The following SORCS2 variants were observed in gnomAD, a reference collection of about 807,000 sequenced individuals.
SORCS2 encodes sortilin related VPS10 domain containing receptor 2, also known as VPS10 domain-containing receptor SorCS2.
SORCS2 carries 100 observed loss-of-function variants against 141.6 expected under a neutral mutation model. That is an observed-to-expected ratio of 0.71 (90% CI 0.60 to 0.83). The LOEUF is 0.83. SORCS2 is among the 40% of genes least tolerant of loss of function. SORCS2 has a pLI of 0.00. For synonymous variants in SORCS2, 789 were observed against 676.9 expected, an observed-to-expected ratio of 1.17 and a Z score of -2.57; for missense variants, 1,646 against 1,560.2, an observed-to-expected ratio of 1.05 and a Z score of -0.93.
chr4:7,670,464 G>A (rs1722732760), intron 8 of SORCS2, among the ~76,000 whole-genome samples: 1 of 152,172 alleles, frequency 6.6e-6, no homozygotes, highest in African/African-American at 2.4e-5. Flanking sequence ...AAATATTCCT[G>A]TATTTGCCAT....
rs1055483944 is a variant in SORCS2 at position 7,260,701 on chromosome 4, G to A, written c.480+67575G>A. 6.4e-4 allele frequency among the ~76,000 whole-genome samples: 97 copies of A among 152,312 alleles called. 2 individuals are homozygous for A. Among genetic ancestry groups the A allele is most frequent in the Admixed American group, 6.3e-3 (96 of 15,302 alleles). ...GGCAGCTTCAGGGGAAGGAAAGTCAGTGGCAACTCAGGGTGGTAAGGAGGG... is the reference window on the plus strand; with the variant it reads ...GGCAGCTTCAGGGGAAGGAAAGTCAATGGCAACTCAGGGTGGTAAGGAGGG... On this transcript the variant is annotated intron_variant, in intron 1 of 26. Coordinates refer to ENST00000507866, the MANE Select transcript of SORCS2 (RefSeq NM_020777.3).
chr4:7,259,934 G>T (rs1394642484), intron 1 of SORCS2, among the ~76,000 whole-genome samples: 1 of 152,258 alleles, frequency 6.6e-6, no homozygotes, highest in Non-Finnish European at 1.5e-5. Context: ...GGGCAGGACA[G>T]AGTTTCCTCT....
intron 3 of SORCS2, among the ~76,000 whole-genome samples, chr4:7,619,916 C>T (rs572839513): frequency 1.3e-5 from 2 of 152,166 alleles, no homozygotes; most frequent in East Asian, 1.9e-4. Context: ...GGCACAGATT[C>T]GTCAGCCCCT....
At chr4:7,343,962 C>A (rs140657206) in intron 1 of SORCS2, among the ~76,000 whole-genome samples, 1,864 of 152,268 alleles carry the variant, frequency 0.012, 35 homozygotes, top group African/African-American at 0.042. Context: ...CCCTGTAAGG[C>A]GTGGCCATGA....
intron 14 of SORCS2, among the ~76,000 whole-genome samples, chr4:7,712,089 A>G (rs1725857253): frequency 1.3e-5 from 2 of 152,112 alleles, no homozygotes; most frequent in Admixed American, 1.3e-4. Flanking sequence ...TGACACCCTA[A>G]GTGGCCAGCC....
intron 8 of SORCS2, among the ~76,000 whole-genome samples, chr4:7,669,920 A>C (rs1722699788): frequency 6.6e-6 from 1 of 152,320 alleles, no homozygotes; most frequent in South Asian, 2.1e-4. Flanking sequence ...TATTGAGGAG[A>C]GTGTACCTTG....
intron 1 of SORCS2, among the ~76,000 whole-genome samples, chr4:7,312,665 C>T (rs2108925189): frequency 6.6e-6 from 1 of 152,236 alleles, no homozygotes; most frequent in Middle Eastern, 3.4e-3. Context: ...GCAGAAAGGG[C>T]TCCTGTCCAT....
chr4:7,373,473 T>TAC (rs1722396345), intron 1 of SORCS2, among the ~76,000 whole-genome samples: 1 of 72,082 alleles, frequency 1.4e-5, no homozygotes, highest in African/African-American at 8.1e-5. Flanking sequence ...TATATATATA[T>TAC]ATATATTTTT....
At chr4:7,402,905 G>C (rs1419593420) in intron 2 of SORCS2, among the ~76,000 whole-genome samples, 1 of 151,590 alleles carries the variant, frequency 6.6e-6, no homozygotes, top group African/African-American at 2.4e-5. Flanking sequence ...TTTTACATTG[G>C]GTTGCTTAAC....
intron 1 of SORCS2, among the ~76,000 whole-genome samples, chr4:7,255,235 G>A (rs914914566): frequency 2.0e-5 from 3 of 152,004 alleles, no homozygotes; most frequent in Non-Finnish European, 2.9e-5. Context: ...AGTGCTTCCC[G>A]GGCAGTTTCC....
At chr4:7,520,460 T>C (rs4689772) in intron 2 of SORCS2, among the ~76,000 whole-genome samples, 88,332 of 151,972 alleles carry the variant, frequency 0.58, 26,143 homozygotes, top group Middle Eastern at 0.68. Flanking sequence ...GGGGCACTGA[T>C]GGTGGAGGAG....
intron 3 of SORCS2, among the ~76,000 whole-genome samples, chr4:7,584,097 C>T (rs1018047288): frequency 6.6e-6 from 1 of 152,236 alleles, no homozygotes; most frequent in East Asian, 1.9e-4. Flanking sequence ...AGGACAGCAT[C>T]TTCGTCTTCA....
intron 3 of SORCS2, among the ~76,000 whole-genome samples, chr4:7,634,934 C>T (rs567559604): frequency 6.6e-6 from 1 of 152,322 alleles, no homozygotes; most frequent in Admixed American, 6.5e-5. Context: ...TCCAGCGTGC[C>T]TGGCCAGCCC....
At chr4:7,711,006 G>T (rs1029145508) in intron 14 of SORCS2, among the ~76,000 whole-genome samples, 1 of 152,230 alleles carries the variant, frequency 6.6e-6, no homozygotes, top group Admixed American at 6.5e-5. Flanking sequence ...GACGTGGCAG[G>T]AATGCGGGAT....
At chr4:7,469,125 GATAGTGGTCA>G (rs1476057081) in intron 2 of SORCS2, among the ~76,000 whole-genome samples, 13 of 138,626 alleles carry the variant, frequency 9.4e-5, no homozygotes, top group African/African-American at 3.8e-4. Context: ...TGATGGTGCT[GATAGTGGTCA>G]TGGTGGTGAT....
intron 5 of SORCS2, among the ~76,000 whole-genome samples, chr4:7,654,817 G>A (rs75489003): frequency 1.7e-4 from 26 of 152,294 alleles, no homozygotes; most frequent in African/African-American, 6.3e-4. Flanking sequence ...GCCTCCTGAG[G>A]AGCCAGACCC....
intron 19 of SORCS2, among the ~76,000 whole-genome samples, chr4:7,724,378 G>GTGA (rs1285252369): frequency 6.8e-6 from 1 of 146,308 alleles, no homozygotes; most frequent in East Asian, 2.0e-4. Flanking sequence ...GATGATGGTG[G>GTGA]TGATAGGGTG....
intron 14 of SORCS2, among the ~76,000 whole-genome samples, chr4:7,705,341 G>A (rs569104721): frequency 4.6e-5 from 7 of 152,222 alleles, no homozygotes; most frequent in Non-Finnish European, 7.3e-5. Flanking sequence ...CCAGAGCGCT[G>A]AGAGAGCATG....
rs183347845 is a variant in SORCS2 at position 7,442,921 on chromosome 4, C to A, written c.548+46566C>A. On this transcript the variant is annotated intron_variant, in intron 2 of 26. Coordinates refer to ENST00000507866, the MANE Select transcript of SORCS2 (RefSeq NM_020777.3). ...GGGGCCGTGCTCCCTCCGAAGGCTG[C>A]GGGGAGGCTCCTTCCTGCTTCCTCC... Among the ~76,000 whole-genome samples the A allele has an allele frequency of 3.2e-4, 48 of 152,204 alleles. No individual in the cohort carries two copies. In the East Asian group the frequency reaches 8.2e-3, roughly 26 times the overall value.
Sources: gnomAD v4.1 joint callset for allele counts (sites outside exome capture counted in the v4.1 genomes callset) on GRCh38, gnomAD v4.1.1 for gene constraint, MANE v1.5 for transcripts, NCBI Gene and HGNC (gene_info 2026-07-23, HGNC 2026-07-21) for gene names.